Variants in NBAS observed in about 807,000 individuals in gnomAD.
NBAS encodes NAG/BC035112 fusion.
In NBAS, 219 loss-of-function variants were observed where a neutral mutation model predicts 302.5. The observed-to-expected ratio is 0.72, with a 90% CI of 0.65 to 0.81. NBAS has a LOEUF of 0.81. Ranked by LOEUF, NBAS falls within the 30% of genes least tolerant of loss-of-function variation. The pLI, the probability that NBAS is intolerant of heterozygous loss-of-function variation, is 0.00. For missense variants in NBAS, 2,932 were observed against 2,841.6 expected (o/e 1.03, Z -0.72); for synonymous variants, 1,118 against 1,021.6 (o/e 1.09, Z -1.80).
At chr2:14,797,114 ACC>A in the NBAS span, among the ~76,000 whole-genome samples, 2 of 135,156 alleles carry the variant, frequency 1.5e-5, no homozygotes, top group African/African-American at 5.9e-5. Context: ...AAAAAAAAAA[ACC>A]AAAAACAGAC....
rs886380065 is a variant in NBAS at position 15,183,048 on chromosome 2, G to GA, written c.6711+3693dup. On this transcript the variant is annotated intron_variant, in intron 50 of 51. Transcript: ENST00000281513. ...CGACAACCAAAGGTATTGAATTTAG[G>GA]AAAAAAAAAATCATAAGTAACAGAT... Among the ~76,000 whole-genome samples the GA allele has an allele frequency of 8.1e-5, 12 of 148,746 alleles. 1 individual carries two copies. Among genetic ancestry groups the GA allele is most frequent in the Non-Finnish European group, 1.0e-4 (7 of 67,124 alleles).
the NBAS span, among the ~76,000 whole-genome samples, chr2:14,989,189 T>A: frequency 6.6e-6 from 1 of 152,052 alleles, no homozygotes; most frequent in African/African-American, 2.4e-5. Flanking sequence ...AACTCTATAG[T>A]CATGTTTGTG....
intron 42 of NBAS, among the ~76,000 whole-genome samples, chr2:15,280,923 T>C (rs1273897940): frequency 6.6e-6 from 1 of 152,204 alleles, no homozygotes; most frequent in African/African-American, 2.4e-5. Context: ...TGATCTATAA[T>C]GCAGCCTGAC....
At chr2:14,906,790 C>T in the NBAS span, among the ~76,000 whole-genome samples, 2 of 152,104 alleles carry the variant, frequency 1.3e-5, no homozygotes, top group Non-Finnish European at 2.9e-5. Flanking sequence ...TGGAGAAAAC[C>T]CCTAATAAAA....
the NBAS span, among the ~76,000 whole-genome samples, chr2:14,798,538 AT>A: frequency 6.6e-6 from 1 of 152,082 alleles, no homozygotes; most frequent in African/African-American, 2.4e-5. Flanking sequence ...GTCTGTCAAA[AT>A]TTTTTTAGTA....
chr2:15,479,703 G>C (rs1274122928), intron 12 of NBAS, among the ~76,000 whole-genome samples: 2 of 152,166 alleles, frequency 1.3e-5, no homozygotes, highest in Non-Finnish European at 2.9e-5. Flanking sequence ...GGAGCACCAC[G>C]AATAAGCACT....
At chr2:15,406,456 T>G (rs1676421000) in intron 25 of NBAS, among the ~76,000 whole-genome samples, 1 of 152,090 alleles carries the variant, frequency 6.6e-6, no homozygotes, top group Non-Finnish European at 1.5e-5. Flanking sequence ...ACCATGCAAG[T>G]ACTAGAAGAA....
At chr2:15,069,293 G>T in the NBAS span, among the ~76,000 whole-genome samples, 1 of 152,178 alleles carries the variant, frequency 6.6e-6, no homozygotes, top group African/African-American at 2.4e-5. Context: ...GATGTTCAGG[G>T]CTACCTAAAA....
At chr2:15,342,616 A>C (rs887229564) in intron 35 of NBAS, among the ~76,000 whole-genome samples, 6 of 152,204 alleles carry the variant, frequency 3.9e-5, no homozygotes, top group African/African-American at 1.4e-4. Context: ...CATGGGGCTC[A>C]GAAAGATCAG....
At chr2:15,223,610 C>A (rs909663247) in intron 47 of NBAS, among the ~76,000 whole-genome samples, 1 of 152,028 alleles carries the variant, frequency 6.6e-6, no homozygotes, top group Admixed American at 6.6e-5. Flanking sequence ...GCAGGCAGAA[C>A]ACAAGGTCTG....
chr2:15,177,759 T>C (rs1664619239), intron 51 of NBAS, among the ~76,000 whole-genome samples: 1 of 152,312 alleles, frequency 6.6e-6, no homozygotes, highest in Non-Finnish European at 1.5e-5. Flanking sequence ...CTCCAAGTTA[T>C]TCAACTTTCA....
At position 15,219,000 on chromosome 2, in the gene NBAS, C is replaced by A. The variant is rs370415952; in HGVS notation, c.6237-32G>T. The A allele has an allele frequency of 7.9e-5, 128 of 1,612,152 alleles. No homozygotes were observed. The African/African-American group carries it at 1.6e-3, about 20-fold the overall frequency. On this transcript the variant is annotated intron_variant, in intron 47 of 51. Transcript: ENST00000281513. ...GGCAAAATCCAGAGGTATCTGTAAA[C>A]TCCTAAGCCTTTTATTTTCCCCCTT...
intron 33 of NBAS, 150 bp from the exon 34 acceptor site, chr2:15,353,860 A>G (rs925080202): frequency 1.0e-5 from 10 of 966,050 alleles, no homozygotes; most frequent in African/African-American, 3.2e-5. Flanking sequence ...GCAGAAACAG[A>G]TAAGAATCTA....
At chr2:15,213,370 A>C (rs1368139390) in intron 48 of NBAS, among the ~76,000 whole-genome samples, 1 of 152,246 alleles carries the variant, frequency 6.6e-6, no homozygotes, top group South Asian at 2.1e-4. Context: ...GTTAACATAT[A>C]TAGTACCATG....
the NBAS span, among the ~76,000 whole-genome samples, chr2:15,113,271 A>C: frequency 6.7e-6 from 1 of 149,294 alleles, no homozygotes; most frequent in Non-Finnish European, 1.5e-5. Flanking sequence ...TTACATAAGC[A>C]CCCTGTAGTT....
At chr2:15,259,793 C>T (rs189143800) in intron 44 of NBAS, among the ~76,000 whole-genome samples, 24 of 152,330 alleles carry the variant, frequency 1.6e-4, no homozygotes, top group African/African-American at 4.1e-4. Flanking sequence ...CCTCCCTTAA[C>T]GCCCCTTGTG....
At position 15,336,849 on chromosome 2, in the gene NBAS, T is replaced by C. The variant is rs1037333243; in HGVS notation, c.4180-6084A>G. On this transcript the variant is annotated intron_variant, in intron 35 of 51. Transcript: ENST00000281513. ...GAATCTTCTAAATTGAGAGGATGTA[T>C]TGAATGATTTGAAAGTCATCAACTA... is the stretch of plus-strand genomic sequence containing the variant. Among the ~76,000 whole-genome samples, 12 of 152,242 alleles carry C rather than the reference T, an allele frequency of 7.9e-5. No individual in the cohort carries two copies. In the East Asian group the frequency reaches 9.6e-4, roughly 12 times the overall value.
the NBAS span, among the ~76,000 whole-genome samples, chr2:14,974,085 T>A: frequency 6.6e-6 from 1 of 152,238 alleles, no homozygotes. Context: ...ATGCATTTTA[T>A]CTATACACTC....
chr2:15,152,920 T>A, the NBAS span, among the ~76,000 whole-genome samples: 1 of 152,182 alleles, frequency 6.6e-6, no homozygotes, highest in African/African-American at 2.4e-5. Context: ...ATAAGAATAT[T>A]TTTTACAGAA....
Sources: allele counts gnomAD v4.1 joint callset (sites outside exome capture counted in the v4.1 genomes callset), GRCh38; gene constraint gnomAD v4.1.1; transcripts MANE v1.5; gene names NCBI Gene and HGNC (gene_info 2026-07-23, HGNC 2026-07-21).